The following LRRC4C variants were observed in gnomAD, a reference collection of about 807,000 sequenced individuals.
The protein encoded by LRRC4C is leucine-rich repeat-containing protein 4C.
Under a neutral mutation model 33.6 loss-of-function variants are expected in LRRC4C, and 5 were observed. The observed-to-expected ratio is 0.15, with a 90% CI of 0.08 to 0.31. The LOEUF is 0.31. Ranked by LOEUF, LRRC4C falls within the 10% of genes least tolerant of loss-of-function variation. The pLI is 1.00. For missense variants in LRRC4C, 560 were observed against 796.7 expected (o/e 0.70, Z 3.58); for synonymous variants, 329 against 302.0 (o/e 1.09, Z -0.93).
At chr11:41,278,289 T>C (rs1350406719) in intron 1 of LRRC4C, among the ~76,000 whole-genome samples, 1 of 152,204 alleles carries the variant, frequency 6.6e-6, no homozygotes, top group Non-Finnish European at 1.5e-5. Context: ...CTTAACATCA[T>C]TCATAGGATC....
At chr11:40,618,268 G>GA (rs34251171) in intron 3 of LRRC4C, among the ~76,000 whole-genome samples, 34,474 of 151,286 alleles carry the variant, frequency 0.23, 3,988 homozygotes, top group Middle Eastern at 0.26. Flanking sequence ...CAGCACCCAG[G>GA]AAAGACAGCC....
At chr11:40,951,938 G>T (rs1958710582) in intron 1 of LRRC4C, among the ~76,000 whole-genome samples, 1 of 151,784 alleles carries the variant, frequency 6.6e-6, no homozygotes, top group Admixed American at 6.6e-5. Context: ...ATTTCTTCAT[G>T]CCTCAGTTGC....
At chr11:40,606,293 A>G (rs1222534686) in intron 3 of LRRC4C, among the ~76,000 whole-genome samples, 1 of 152,288 alleles carries the variant, frequency 6.6e-6, no homozygotes, top group Middle Eastern at 3.4e-3. Context: ...GGAGCAAGAG[A>G]TTACCAGCTC....
chr11:40,151,439 T>C (rs1399358852), intron 5 of LRRC4C, among the ~76,000 whole-genome samples: 3 of 152,200 alleles, frequency 2.0e-5, no homozygotes, highest in Non-Finnish European at 4.4e-5. Context: ...TAGACTGTTT[T>C]TCTAGGTCAG....
At chr11:40,286,451 T>G (rs1943846490) in intron 4 of LRRC4C, among the ~76,000 whole-genome samples, 1 of 152,150 alleles carries the variant, frequency 6.6e-6, no homozygotes, top group Admixed American at 6.6e-5. Context: ...TTTACATAAG[T>G]TTTTCATTAT....
intron 3 of LRRC4C, among the ~76,000 whole-genome samples, chr11:40,646,518 C>T (rs982349871): frequency 6.6e-6 from 1 of 152,142 alleles, no homozygotes; most frequent in African/African-American, 2.4e-5. Flanking sequence ...AAACAACATC[C>T]TTCCCTGTGT....
intron 1 of LRRC4C, among the ~76,000 whole-genome samples, chr11:41,228,371 G>A (rs1947636296): frequency 1.3e-5 from 2 of 151,918 alleles, no homozygotes; most frequent in Non-Finnish European, 2.9e-5. Flanking sequence ...TTGAATTGAA[G>A]TTTAGCTAAA....
intron 5 of LRRC4C, among the ~76,000 whole-genome samples, chr11:40,220,946 G>A (rs1864367290): frequency 6.6e-6 from 1 of 150,968 alleles, no homozygotes; most frequent in Admixed American, 6.6e-5. Context: ...TGAAATCTCA[G>A]CTCACTGCAA....
intron 5 of LRRC4C, among the ~76,000 whole-genome samples, chr11:40,206,950 TCA>T (rs1863203860): frequency 6.6e-6 from 1 of 151,536 alleles, no homozygotes; most frequent in Non-Finnish European, 1.5e-5. Context: ...CTATGCACAC[TCA>T]CAAACAAACA....
intron 1 of LRRC4C, among the ~76,000 whole-genome samples, chr11:41,395,875 A>C (rs1953789235): frequency 6.6e-6 from 1 of 152,032 alleles, no homozygotes; most frequent in African/African-American, 2.4e-5. Flanking sequence ...CTTTTTGTGA[A>C]TCTCAGGGAA....
intron 2 of LRRC4C, among the ~76,000 whole-genome samples, chr11:40,773,598 A>G (rs11036071): frequency 0.05 from 7,644 of 152,172 alleles, 254 homozygotes; most frequent in African/African-American, 0.09. Flanking sequence ...AATATGCAAA[A>G]CCTATATGAA....
At chr11:41,258,345 G>T (rs186736944) in intron 1 of LRRC4C, among the ~76,000 whole-genome samples, 2 of 151,938 alleles carry the variant, frequency 1.3e-5, no homozygotes, top group South Asian at 4.1e-4. Context: ...TAGCCTTCAC[G>T]AGTTCTCTAA....
intron 1 of LRRC4C, among the ~76,000 whole-genome samples, chr11:41,267,873 C>T (rs1437758458): frequency 6.6e-6 from 1 of 151,950 alleles, no homozygotes; most frequent in Non-Finnish European, 1.5e-5. Context: ...ATAATTTTAG[C>T]TTTTTTGTTT....
intron 1 of LRRC4C, among the ~76,000 whole-genome samples, chr11:41,129,209 G>T (rs60606597): frequency 3.3e-5 from 5 of 151,770 alleles, no homozygotes; most frequent in Admixed American, 6.6e-5. Flanking sequence ...TAGGTCTCTC[G>T]TTCTTAAGTG....
At chr11:40,450,346 C>A (rs1034322489) in intron 3 of LRRC4C, among the ~76,000 whole-genome samples, 2 of 152,072 alleles carry the variant, frequency 1.3e-5, no homozygotes, top group African/African-American at 4.8e-5. Context: ...AAATATATCA[C>A]TTTTCCTTCT....
At chr11:40,367,645 T>C (rs1474027441) in intron 3 of LRRC4C, among the ~76,000 whole-genome samples, 1 of 152,132 alleles carries the variant, frequency 6.6e-6, no homozygotes. Flanking sequence ...GTCATGGACC[T>C]GCTTTTTTGG....
At chr11:41,260,070 T>C (rs7930183) in intron 1 of LRRC4C, among the ~76,000 whole-genome samples, 51,998 of 151,812 alleles carry the variant, frequency 0.34, 10,826 homozygotes, top group Non-Finnish European at 0.46. Flanking sequence ...CTGGAGATTA[T>C]TTTTTGTCAT....
intron 4 of LRRC4C, among the ~76,000 whole-genome samples, chr11:40,283,895 A>T (rs376707366): frequency 6.6e-6 from 1 of 151,202 alleles, no homozygotes; most frequent in African/African-American, 2.4e-5. Flanking sequence ...GTAGAGACAG[A>T]TTTCTCCATG....
At chr11:41,225,407 C>T (rs1426027725) in intron 1 of LRRC4C, among the ~76,000 whole-genome samples, 2 of 151,720 alleles carry the variant, frequency 1.3e-5, no homozygotes, top group African/African-American at 2.4e-5. Context: ...TCTCATGTAC[C>T]CAATAAAAAT....
Sources: gnomAD v4.1 joint callset for allele counts (sites outside exome capture counted in the v4.1 genomes callset) on GRCh38, gnomAD v4.1.1 for gene constraint, MANE v1.5 for transcripts, NCBI Gene and HGNC (gene_info 2026-07-23, HGNC 2026-07-21) for gene names.